The following GSE1 variants were observed in gnomAD, a reference collection of about 807,000 sequenced individuals.
GSE1 encodes Gse1 coiled-coil protein.
Under a neutral mutation model 112.6 loss-of-function variants are expected in GSE1, and 32 were observed. That is an observed-to-expected ratio of 0.28 (90% confidence interval 0.21 to 0.38). The LOEUF (loss-of-function observed/expected upper bound fraction) is 0.38, where lower values mean the gene tolerates loss of function less well. GSE1 is among the 10% of genes least tolerant of loss of function. The pLI, the probability that GSE1 is intolerant of heterozygous loss-of-function variation, is 1.00. For synonymous variants in GSE1, 1,115 were observed against 735.6 expected (o/e 1.52, Z -8.35); for missense variants, 2,348 against 1,699.2 (o/e 1.38, Z -6.71).
intron 1 of GSE1, among the ~76,000 whole-genome samples, chr16:85,331,707 A>ATTTTT (rs566551746): frequency 9.6e-5 from 5 of 51,984 alleles, no homozygotes; most frequent in Non-Finnish European, 1.7e-4. Flanking sequence ...ATATATATAT[A>ATTTTT]TTTTTTTTTT....
chr16:85,451,974 A>C (rs1400970064), intron 2 of GSE1, among the ~76,000 whole-genome samples: 1 of 150,794 alleles, frequency 6.6e-6, no homozygotes, highest in Admixed American at 6.6e-5. Context: ...TCCCCCCCTC[A>C]CCGAGTTTCT....
intron 2 of GSE1, among the ~76,000 whole-genome samples, chr16:85,644,067 C>T (rs1156981239): frequency 1.3e-5 from 2 of 152,174 alleles, no homozygotes; most frequent in Non-Finnish European, 2.9e-5. Context: ...GTTACTCATG[C>T]CTGTAATCCC....
chr16:85,449,391 C>T (rs1001170622), intron 2 of GSE1, among the ~76,000 whole-genome samples: 4 of 152,216 alleles, frequency 2.6e-5, no homozygotes, highest in East Asian at 3.9e-4. Flanking sequence ...GGATGGCAGC[C>T]GGCAGCTGGG....
chr16:85,509,023 A>G (rs2051640842), intron 2 of GSE1, among the ~76,000 whole-genome samples: 1 of 152,196 alleles, frequency 6.6e-6, no homozygotes, highest in Non-Finnish European at 1.5e-5. Context: ...TGGGAACAGC[A>G]GGGAGAGGGA....
At chr16:85,539,686 T>G (rs1362562850) in intron 2 of GSE1, among the ~76,000 whole-genome samples, 1 of 152,174 alleles carries the variant, frequency 6.6e-6, no homozygotes, top group East Asian at 1.9e-4. Flanking sequence ...CAGAGACATG[T>G]CACGTTGAAG....
intron 1 of GSE1, among the ~76,000 whole-genome samples, chr16:85,295,803 C>G (rs1244739265): frequency 1.0e-4 from 15 of 147,086 alleles, no homozygotes; most frequent in Non-Finnish European, 5.9e-5. Flanking sequence ...TGGGGTCTCT[C>G]TGTGTTGCCC....
chr16:85,663,210 C>T (rs1331256925), intron 10 of GSE1, 117 bp downstream of exon 10: 26 of 1,284,220 alleles, frequency 2.0e-5, no homozygotes. Context: ...CGGGTTCGCC[C>T]CATGAAGCTC....
At chr16:85,378,002 C>G (rs1260288804) in intron 2 of GSE1, among the ~76,000 whole-genome samples, 1 of 152,242 alleles carries the variant, frequency 6.6e-6, no homozygotes, top group Non-Finnish European at 1.5e-5. Flanking sequence ...GCTCCGTCAT[C>G]TGCACCCCGG....
At chr16:85,169,596 C>G (rs2074327127) in exon 1 of GSE1, 1 of 982,040 alleles carries the variant, frequency 1.0e-6, no homozygotes, top group African/African-American at 1.8e-5. Context: ...GGGCTGCGGG[C>G]GGCGCGCCGC....
At chr16:85,599,045 C>T (rs1159476146) in intron 1 of GSE1, among the ~76,000 whole-genome samples, 2 of 152,210 alleles carry the variant, frequency 1.3e-5, no homozygotes, top group Admixed American at 1.3e-4. Context: ...CCGCAGGAGA[C>T]GTCTTCGGGT....
At chr16:85,390,918 G>C (rs2047825404) in intron 2 of GSE1, among the ~76,000 whole-genome samples, 1 of 152,202 alleles carries the variant, frequency 6.6e-6, no homozygotes, top group African/African-American at 2.4e-5. Context: ...GACAAGCTCT[G>C]GGCAGGGCTG....
rs1303461537 is a variant in GSE1, at chr16:85,556,798, A to G, written c.37+435A>G. On this transcript the variant is annotated intron_variant, in intron 1 of 2. Transcript: ENST00000635906. The stretch of plus-strand genomic sequence containing the variant: ...GTTTATTTCCCTCTCCCTCCAGCCA[A>G]CCCCCTTGCGCGGTCTCGGCGCGAG... Among the ~76,000 whole-genome samples, 3 of 86,640 alleles carry G rather than the reference A, an allele frequency of 3.5e-5. No homozygotes were observed. The South Asian group carries it at 1.4e-3, about 40-fold the overall frequency. The allele number at this position is 86,640 out of a possible 152,430, so 56.8% of individuals were successfully genotyped here. A position where few individuals can be genotyped will look rare whatever the true frequency, so the allele number is the denominator to read the frequency against.
At position 85,636,236 on chromosome 16, in the gene GSE1, C is replaced by T. The variant is rs186875334; in HGVS notation, c.226+2104C>T. On this transcript the variant is annotated intron_variant, in intron 2 of 15. Coordinates refer to ENST00000253458, the MANE Select transcript of GSE1 (RefSeq NM_014615.5). Reference sequence around the variant, plus strand: ...AATGGCAGAGGGTCGGGAGAGCGGGCGAGCAGTGCCACTGCCTGAGCCATG... The same window carrying T: ...AATGGCAGAGGGTCGGGAGAGCGGGTGAGCAGTGCCACTGCCTGAGCCATG... 3.1e-3 allele frequency among the ~76,000 whole-genome samples: 465 copies of T among 152,320 alleles called. 3 individuals carry two copies. The highest frequency in any genetic ancestry group is 0.011 in the African/African-American group (438 of 41,568).
At chr16:85,480,490 C>T (rs1434116184) in intron 2 of GSE1, among the ~76,000 whole-genome samples, 1 of 152,190 alleles carries the variant, frequency 6.6e-6, no homozygotes, top group Non-Finnish European at 1.5e-5. Context: ...TCTTGGGCCT[C>T]GACACTCCTG....
intron 2 of GSE1, among the ~76,000 whole-genome samples, chr16:85,372,480 G>A (rs1442306221): frequency 2.7e-5 from 2 of 73,676 alleles, no homozygotes; most frequent in Non-Finnish European, 5.0e-5. Flanking sequence ...TCTGGACTCT[G>A]TCTCACAAAA....
At chr16:85,506,702 C>T (rs1335294230) in intron 2 of GSE1, among the ~76,000 whole-genome samples, 1 of 152,126 alleles carries the variant, frequency 6.6e-6, no homozygotes, top group African/African-American at 2.4e-5. Context: ...GTAATCATAA[C>T]AACTGCTAAC....
At chr16:85,442,160 G>A (rs1041517498) in intron 2 of GSE1, among the ~76,000 whole-genome samples, 11 of 152,174 alleles carry the variant, frequency 7.2e-5, no homozygotes, top group Admixed American at 4.6e-4. Flanking sequence ...TAGTCCTGCC[G>A]TCGTTTCAGG....
At chr16:85,262,319 T>G (rs778999052) in intron 1 of GSE1, among the ~76,000 whole-genome samples, 1 of 152,236 alleles carries the variant, frequency 6.6e-6, no homozygotes, top group Admixed American at 6.5e-5. Flanking sequence ...CCTTTTATCA[T>G]GTGGTGACAC....
intron 2 of GSE1, among the ~76,000 whole-genome samples, chr16:85,440,861 AGCCCCGGCCTGGCTTCCCGAGGAC>A (rs2049358611): frequency 6.6e-6 from 1 of 152,228 alleles, no homozygotes; most frequent in Admixed American, 6.5e-5. Flanking sequence ...CAACTGGCTC[AGCCCCGGCCTGGCTTCCCGAGGAC>A]GCGGTCCCAC....
Sources: allele counts gnomAD v4.1 joint callset (sites outside exome capture counted in the v4.1 genomes callset), GRCh38; gene constraint gnomAD v4.1.1; transcripts MANE v1.5; gene names NCBI Gene and HGNC (gene_info 2026-07-23, HGNC 2026-07-21).